The following THAP4 variants were observed in gnomAD, a reference collection of about 807,000 sequenced individuals.
THAP4 encodes the protein THAP domain containing 4.
Under a neutral mutation model 48.1 loss-of-function variants are expected in THAP4, and 18 were observed. The ratio of observed to expected loss-of-function variants is 0.37; its 90% CI spans 0.26 to 0.56. THAP4 has a LOEUF of 0.56. THAP4 is among the 20% of genes least tolerant of loss of function. The pLI, the probability that THAP4 is intolerant of heterozygous loss-of-function variation, is 0.78. For missense variants in THAP4, 656 were observed against 774.9 expected, an observed-to-expected ratio of 0.85 and a Z score of 1.82; for synonymous variants, 345 against 324.9, an observed-to-expected ratio of 1.06 and a Z score of -0.66.
intron 5 of THAP4, among the ~76,000 whole-genome samples, chr2:241,587,376 T>G (rs887427634): frequency 1.3e-5 from 2 of 152,112 alleles, no homozygotes; most frequent in African/African-American, 4.8e-5. Flanking sequence ...CAGCACCTCC[T>G]CTCTCCTCAG....
In THAP4 at chr2:241,616,248, G is replaced by A. The variant is rs1417262253; in HGVS notation, c.1241-9775C>T. On this transcript the variant is annotated intron_variant, in intron 2 of 5. Transcript: ENST00000407315. The surrounding 1 kb of genome is among the most constrained non-coding windows in gnomAD (Gnocchi z 4.6). The stretch of plus-strand genomic sequence containing the variant: ...GCCCAAGGGAGATGGAAATGAGAGT[G>A]AGATAAGAGGGATGGGTGGGCTGGA... Among the ~76,000 whole-genome samples the A allele has an allele frequency of 2.6e-5, 4 of 152,220 alleles. No individual in the cohort carries two copies. The highest frequency in any genetic ancestry group is 2.6e-4 in the Admixed American group (4 of 15,288).
Position 241,591,042 on chromosome 2 carries a change from T to G in THAP4, c.1615-6317A>C, listed in dbSNP as rs559490237. 7.8e-3 allele frequency among the ~76,000 whole-genome samples: 1,172 copies of G among 149,882 alleles called. 2 individuals are homozygous for G. The highest frequency in any genetic ancestry group is 0.028 in the African/African-American group (1,119 of 39,430). ...ACACACAGAACTGCCCGGCTGACGATGATGGGCACTAGGACACTCAGAGCT... is the reference window on the plus strand; with the variant it reads ...ACACACAGAACTGCCCGGCTGACGAGGATGGGCACTAGGACACTCAGAGCT... On this transcript the variant is annotated intron_variant, in intron 5 of 5. Coordinates refer to ENST00000407315, the MANE Select transcript of THAP4 (RefSeq NM_015963.6).
At chr2:241,593,948 G>C (rs887708106) in intron 5 of THAP4, among the ~76,000 whole-genome samples, 4 of 152,168 alleles carry the variant, frequency 2.6e-5, no homozygotes, top group African/African-American at 4.8e-5. Flanking sequence ...GCCCCACAAA[G>C]TGTTGGGATT....
chr2:241,618,356 T>C (rs1238423442), intron 2 of THAP4, among the ~76,000 whole-genome samples: 2 of 152,262 alleles, frequency 1.3e-5, no homozygotes, highest in African/African-American at 4.8e-5. Flanking sequence ...TTATGTTTGA[T>C]TTCCTCGTTA....
rs2067343279 is a variant in THAP4, at chr2:241,616,155, T to A, written c.1241-9682A>T. Among the ~76,000 whole-genome samples the A allele has an allele frequency of 6.6e-6, 1 of 152,160 alleles. No individual in the cohort carries two copies. Among genetic ancestry groups the A allele is most frequent in the African/African-American group, 2.4e-5 (1 of 41,424 alleles). The stretch of plus-strand genomic sequence containing the variant: ...GAACTGGACCATCTATTCCCCCAAG[T>A]GGGCCTGGATGGGCCAGAACCTTTT... On this transcript the variant is annotated intron_variant, in intron 2 of 5. Transcript: ENST00000407315. The surrounding 1 kb of genome is among the most constrained non-coding windows in gnomAD (Gnocchi z 4.6).
At position 241,633,880 on chromosome 2, in the gene THAP4, C is replaced by T. The variant is rs1559237328; in HGVS notation, c.277G>A (p.Gly93Arg). 17 of 1,614,044 alleles carry T rather than the reference C, an allele frequency of 1.1e-5. No homozygotes were observed. Among genetic ancestry groups the T allele is most frequent in the South Asian group, 2.2e-5 (2 of 91,078 alleles). The change falls in exon 2 of 6, where the codon GGG becomes AGG. Residue 93 changes from glycine (G) to arginine (R), a missense_variant. This residue lies in a region of THAP4 where 391 missense variants were observed against 412.4 expected (regional missense o/e 0.95). Coordinates refer to ENST00000407315, the MANE Select transcript of THAP4 (RefSeq NM_015963.6). This position sits in a 1 kb window ranked among gnomAD's most constrained non-coding sequence, Gnocchi z 7.5. ...SIFHLTEKKR[G>R]AGGHGRTRRK... Reference sequence around the variant, plus strand: ...CGGGTGCGGCCATGGCCTCCAGCCCCCCTCTTCTTCTCGGTCAGGTGGAAG... The same window carrying T: ...CGGGTGCGGCCATGGCCTCCAGCCCTCCTCTTCTTCTCGGTCAGGTGGAAG...
intron 2 of THAP4, among the ~76,000 whole-genome samples, chr2:241,629,067 G>C (rs973850315): frequency 3.3e-5 from 5 of 151,918 alleles, no homozygotes; most frequent in African/African-American, 1.2e-4. Context: ...GGGGGAATAA[G>C]AAGCACCGGA....
rs2067249419 is a variant in THAP4 at position 241,610,248 on chromosome 2, C to G, written c.1241-3775G>C. Among the ~76,000 whole-genome samples the G allele has an allele frequency of 6.6e-6, 1 of 152,178 alleles. No homozygotes were observed. Among genetic ancestry groups the G allele is most frequent in the South Asian group, 2.1e-4 (1 of 4,838 alleles). Reference sequence around the variant, plus strand: ...GCGCCGCAAGTCCTGCCTCTGCTCCCGGGCGGCCCCCTCCAGCCTCCGCCG... The same window carrying G: ...GCGCCGCAAGTCCTGCCTCTGCTCCGGGGCGGCCCCCTCCAGCCTCCGCCG... On this transcript the variant is annotated intron_variant, in intron 2 of 5. Coordinates refer to ENST00000407315, the MANE Select transcript of THAP4 (RefSeq NM_015963.6). The surrounding 1 kb of genome is among the most constrained non-coding windows in gnomAD (Gnocchi z 4.2).
intron 2 of THAP4, among the ~76,000 whole-genome samples, chr2:241,625,495 A>G (rs927632253): frequency 2.0e-5 from 3 of 150,240 alleles, no homozygotes; most frequent in Admixed American, 6.6e-5. Flanking sequence ...AAAAAAAAAA[A>G]AAAAGGAAAA....
intron 2 of THAP4, among the ~76,000 whole-genome samples, chr2:241,624,897 C>T (rs906024476): frequency 6.6e-6 from 1 of 152,046 alleles, no homozygotes; most frequent in African/African-American, 2.4e-5. Flanking sequence ...GGAAGGTGGT[C>T]GGAGCGCCAT....
intron 2 of THAP4, among the ~76,000 whole-genome samples, chr2:241,620,981 A>AAG (rs1162487667): frequency 1.3e-5 from 2 of 152,000 alleles, no homozygotes; most frequent in Non-Finnish European, 2.9e-5. Flanking sequence ...AAAAAATCTG[A>AAG]AGAGAGAGAG....
At chr2:241,626,762 C>G (rs111750263) in intron 2 of THAP4, among the ~76,000 whole-genome samples, 22,446 of 151,940 alleles carry the variant, frequency 0.15, 1,890 homozygotes, top group South Asian at 0.37. Context: ...CAGGGCTTCA[C>G]CCTGTTGGCC....
intron 5 of THAP4, among the ~76,000 whole-genome samples, chr2:241,598,051 A>C (rs2067070907): frequency 6.6e-6 from 1 of 152,222 alleles, no homozygotes; most frequent in South Asian, 2.1e-4. Context: ...AAGAGAAAAC[A>C]CACACAAAAC....
intron 3 of THAP4, 54 bp downstream of exon 3, chr2:241,606,260 G>T: frequency 6.9e-7 from 1 of 1,457,970 alleles, no homozygotes; most frequent in Non-Finnish European, 9.2e-7. Context: ...ATTATTTTCA[G>T]AGACCTAGGC....
At chr2:241,593,853 C>T (rs937778376) in intron 5 of THAP4, among the ~76,000 whole-genome samples, 5 of 152,042 alleles carry the variant, frequency 3.3e-5, no homozygotes, top group Non-Finnish European at 7.4e-5. Flanking sequence ...AGCCCGGCTA[C>T]TTTTTGTATT....
intron 3 of THAP4, among the ~76,000 whole-genome samples, chr2:241,603,291 C>T (rs2067141398): frequency 1.3e-5 from 2 of 151,836 alleles, no homozygotes; most frequent in South Asian, 4.2e-4. Flanking sequence ...TCCAGCCACG[C>T]CCACACACCT....
intron 3 of THAP4, 143 bp downstream of exon 3, chr2:241,606,170 CA>C: frequency 1.5e-6 from 1 of 672,280 alleles, no homozygotes; most frequent in Non-Finnish European, 2.3e-6. Flanking sequence ...CACATTCAGG[CA>C]AGAGGACACC....
intron 5 of THAP4, among the ~76,000 whole-genome samples, chr2:241,595,536 C>G (rs1479121806): frequency 6.6e-6 from 1 of 151,816 alleles, no homozygotes; most frequent in East Asian, 2.0e-4. Flanking sequence ...ACTCGGGAGG[C>G]TGAGGCAGGA....
intron 2 of THAP4, among the ~76,000 whole-genome samples, chr2:241,619,766 GGGGT>G (rs2067391357): frequency 2.1e-5 from 3 of 144,604 alleles, no homozygotes; most frequent in Admixed American, 6.8e-5. Context: ...TGGTGAGTGA[GGGGT>G]GAGTGAGTCG....
Sources: allele counts gnomAD v4.1 joint callset (sites outside exome capture counted in the v4.1 genomes callset), GRCh38; gene constraint gnomAD v4.1.1; regional missense constraint gnomAD v4.1.1; non-coding constraint Gnocchi (gnomAD v3.1); transcripts MANE v1.5; gene names NCBI Gene and HGNC (gene_info 2026-07-23, HGNC 2026-07-21).